Variants in ZFPM1 observed in about 807,000 individuals in gnomAD.
The protein encoded by ZFPM1 is zinc finger protein, FOG family member 1.
ZFPM1 carries 28 observed loss-of-function variants against 46.3 expected under a neutral mutation model. That is an observed-to-expected ratio of 0.60 (90% CI 0.45 to 0.83). The LOEUF (loss-of-function observed/expected upper bound fraction) is 0.83. Ranked by LOEUF, ZFPM1 falls within the 40% of genes least tolerant of loss-of-function variation. The pLI is 0.00. For missense variants in ZFPM1, 1,878 were observed against 1,432.4 expected (o/e 1.31, Z -5.02); for synonymous variants, 957 against 675.9 (o/e 1.42, Z -6.45).
intron 1 of ZFPM1, among the ~76,000 whole-genome samples, chr16:88,477,224 G>A (rs566121068): frequency 1.3e-5 from 2 of 152,384 alleles, no homozygotes; most frequent in Non-Finnish European, 2.9e-5. Flanking sequence ...AGCCACGTGG[G>A]CTGGGCGTGT....
chr16:88,534,564 T>A lies in ZFPM1; in HGVS notation c.2606T>A (p.Leu869Gln). Residue 869 changes from leucine (L) to glutamine (Q), a missense_variant, in exon 10 of 10, where the codon CTG becomes CAG. Transcript: ENST00000319555. ...CPPNGPVRGD[L>Q]LEHFRLAHGL... Reference sequence around the variant, plus strand: ...CCGAACGGCCCGGTGCGCGGGGACCTGCTGGAGCATTTCCGCCTGGCGCAC... The same window carrying A: ...CCGAACGGCCCGGTGCGCGGGGACCAGCTGGAGCATTTCCGCCTGGCGCAC... 1 of 1,318,028 alleles carries A rather than the reference T, an allele frequency of 7.6e-7. No homozygotes were observed. Among genetic ancestry groups the A allele is most frequent in the South Asian group, 1.8e-5 (1 of 56,168 alleles). 81.6% of individuals were successfully genotyped at this position (1,318,028 alleles called of 1,614,324 possible). A position where few individuals can be genotyped will look rare whatever the true frequency, so the allele number is the denominator to read the frequency against.
chr16:88,533,377 C>T lies in ZFPM1; in HGVS notation c.1419C>T (p.Ala473=). The change falls in exon 10 of 10, where the codon GCC becomes GCT. Residue 473 remains alanine (A), a synonymous_variant. Transcript: ENST00000319555. The part of the protein sequence containing the change: ...KVEAVEEPEA[A]PILGPGEPGP... ...AGGCGGTGGAGGAGCCGGAGGCGGC[C>T]CCCATCCTGGGCCCCGGAGAGCCTG... 1 of 1,528,218 alleles carries T rather than the reference C, an allele frequency of 6.5e-7. No individual in the cohort carries two copies. Among genetic ancestry groups the T allele is most frequent in the Non-Finnish European group, 8.7e-7 (1 of 1,143,380 alleles). The allele number at this position is 1,528,218 out of a possible 1,614,324, so 94.7% of individuals were successfully genotyped here.
chr16:88,497,600 C>T lies in ZFPM1; in HGVS notation c.268+8447C>T, dbSNP rs559291947. On this transcript the variant is annotated intron_variant, in intron 3 of 9. Coordinates refer to ENST00000319555, the MANE Select transcript of ZFPM1 (RefSeq NM_153813.3). The surrounding 1 kb of genome is among the most constrained non-coding windows in gnomAD (Gnocchi z 5.4). The stretch of plus-strand genomic sequence containing the variant: ...GACTGCAAGGAGCTGCCTCGGTTTT[C>T]TTGGCTGTAAAATGGGTACCCTGAA... 6.6e-6 allele frequency among the ~76,000 whole-genome samples: 1 copy of T among 152,168 alleles called. No individual in the cohort carries two copies. The highest frequency in any genetic ancestry group is 1.9e-4 in the East Asian group (1 of 5,168).
At chr16:88,522,537 A>T (rs956753913) in intron 4 of ZFPM1, among the ~76,000 whole-genome samples, 4 of 152,262 alleles carry the variant, frequency 2.6e-5, no homozygotes, top group Non-Finnish European at 5.9e-5. Context: ...AGAGCTTCAC[A>T]GCGAGGTTTG....
chr16:88,510,534 G>A (rs150081293), intron 3 of ZFPM1, among the ~76,000 whole-genome samples: 91 of 152,382 alleles, frequency 6.0e-4, no homozygotes, highest in African/African-American at 1.7e-3. Context: ...CCAGCACAGC[G>A]TGTTTGTTCT....
chr16:88,498,354 G>T (rs1293065461), intron 3 of ZFPM1, among the ~76,000 whole-genome samples: 1 of 152,224 alleles, frequency 6.6e-6, no homozygotes, highest in African/African-American at 2.4e-5. Context: ...ATCAGGTGCT[G>T]GATAGACAGG....
chr16:88,534,315 C>A lies in ZFPM1; in HGVS notation c.2357C>A (p.Ser786Ter). Residue 786 changes from serine (S) to a stop codon, truncating the protein, a stop_gained, in exon 10 of 10, where the codon TCG becomes TAG. Transcript: ENST00000319555. LOFTEE classifies it low-confidence loss of function (END_TRUNC). ...GSGPGLAPAR[S>*]PGPAADGPID... The stretch of plus-strand genomic sequence containing the variant: ...GGCCCCGGCCTCGCCCCTGCGCGCT[C>A]GCCCGGCCCCGCGGCCGACGGCCCC... 1 of 1,320,402 alleles carries A rather than the reference C, an allele frequency of 7.6e-7. No homozygotes were observed. The highest frequency in any genetic ancestry group is 9.6e-7 in the Non-Finnish European group (1 of 1,036,640). The allele number at this position is 1,320,402 out of a possible 1,614,324, so 81.8% of individuals were successfully genotyped here. A position where few individuals can be genotyped will look rare whatever the true frequency, so the allele number is the denominator to read the frequency against.
intron 1 of ZFPM1, among the ~76,000 whole-genome samples, chr16:88,458,912 G>A (rs147652789): frequency 1.1e-4 from 16 of 152,300 alleles, no homozygotes; most frequent in African/African-American, 1.4e-4. Flanking sequence ...GGTGAGTCCC[G>A]CCACTCTGGA....
rs536248776 is a variant in ZFPM1 at position 88,480,218 on chromosome 16, C to G, written c.41-5721C>G. On this transcript the variant is annotated intron_variant, in intron 1 of 9. Transcript: ENST00000319555. This position sits in a 1 kb window ranked among gnomAD's most constrained non-coding sequence, Gnocchi z 4.9. ...CCCACTTGCTACTTCCTCCAGGAAG[C>G]CTTCCTGGATGGCACCTCTGACTCT... Among the ~76,000 whole-genome samples the G allele has an allele frequency of 3.2e-4, 49 of 152,208 alleles. No individual in the cohort carries two copies. Among genetic ancestry groups the G allele is most frequent in the African/African-American group, 1.1e-3 (46 of 41,524 alleles).
intron 3 of ZFPM1, among the ~76,000 whole-genome samples, chr16:88,499,089 C>G (rs1301393083): frequency 6.6e-6 from 1 of 152,202 alleles, no homozygotes; most frequent in African/African-American, 2.4e-5. Context: ...TCATCCCCAG[C>G]TCCCCAACGG....
intron 1 of ZFPM1, among the ~76,000 whole-genome samples, chr16:88,460,984 A>T (rs796671595): frequency 0.068 from 815 of 11,966 alleles, 196 homozygotes; most frequent in African/African-American, 0.13. Context: ...GACCGAGGGG[A>T]GGGGCGGGAG....
chr16:88,460,983 G>A (rs1259502714), intron 1 of ZFPM1, among the ~76,000 whole-genome samples: 14 of 63,134 alleles, frequency 2.2e-4, no homozygotes, highest in South Asian at 7.1e-4. Context: ...GGACCGAGGG[G>A]AGGGGCGGGA....
chr16:88,452,325 G>A (rs547704301), upstream of ZFPM1, among the ~76,000 whole-genome samples: 84 of 152,342 alleles, frequency 5.5e-4, no homozygotes, highest in African/African-American at 1.9e-3. Flanking sequence ...ACAGCACCGC[G>A]CCCACAAACC....
intron 6 of ZFPM1, among the ~76,000 whole-genome samples, chr16:88,528,550 C>T (rs114155815): frequency 6.6e-6 from 1 of 152,282 alleles, no homozygotes; most frequent in Non-Finnish European, 1.5e-5. Flanking sequence ...GACGCGGGGG[C>T]GGCCCTGACT....
chr16:88,481,103 G>A (rs1024455535), intron 1 of ZFPM1, among the ~76,000 whole-genome samples: 2 of 152,208 alleles, frequency 1.3e-5, no homozygotes, highest in Non-Finnish European at 2.9e-5. Flanking sequence ...CCATTTCGGC[G>A]TCCGGCTTAA....
chr16:88,487,097 A>G (rs547342709), intron 2 of ZFPM1, among the ~76,000 whole-genome samples: 3 of 152,312 alleles, frequency 2.0e-5, no homozygotes, highest in Admixed American at 6.5e-5. Flanking sequence ...CTGCCCTCCC[A>G]GGAGACAGTT....
At chr16:88,461,234 C>CGGGAGGCCTGGTGAGGACCA in intron 1 of ZFPM1, among the ~76,000 whole-genome samples, 1 of 42,802 alleles carries the variant, frequency 2.3e-5, no homozygotes, top group South Asian at 8.4e-4. Flanking sequence ...GGTGAGGACC[C>CGGGAGGCCTGGTGAGGACCA]AGGGGTGGGG....
At chr16:88,509,080 G>A (rs1910814677) in intron 3 of ZFPM1, among the ~76,000 whole-genome samples, 1 of 152,168 alleles carries the variant, frequency 6.6e-6, no homozygotes, top group African/African-American at 2.4e-5. Flanking sequence ...TTCTGTGTCT[G>A]TACAGGATGT....
intron 1 of ZFPM1, among the ~76,000 whole-genome samples, chr16:88,468,036 A>C (rs1296453719): frequency 3.6e-4 from 13 of 35,828 alleles, no homozygotes; most frequent in Admixed American, 1.9e-3. Context: ...CCGCGAGCCC[A>C]CCGCCCCTCA....
Sources: gnomAD v4.1 joint callset for allele counts (sites outside exome capture counted in the v4.1 genomes callset) on GRCh38, gnomAD v4.1.1 for gene constraint, Gnocchi (gnomAD v3.1) non-coding constraint, MANE v1.5 for transcripts, NCBI Gene and HGNC (gene_info 2026-07-23, HGNC 2026-07-21) for gene names.